The following CYP2C19 variants were observed in gnomAD, a reference collection of about 807,000 sequenced individuals.
The protein encoded by CYP2C19 is cytochrome P450 family 2 subfamily C member 19.
CYP2C19 carries 59 observed loss-of-function variants against 40.9 expected under a neutral mutation model. The ratio of observed to expected loss-of-function variants is 1.44; its 90% CI spans 1.17 to 1.79. The LOEUF is 1.79. Among genes scored for constraint, CYP2C19 ranks in the 40% most tolerant of loss-of-function variants. The pLI, the probability that CYP2C19 is intolerant of heterozygous loss-of-function variation, is 0.00. For missense variants in CYP2C19, 754 were observed against 596.9 expected (o/e 1.26, Z -2.74); for synonymous variants, 253 against 208.7 (o/e 1.21, Z -1.83).
chr10:94,826,219 A>T (rs1441250518), intron 6 of CYP2C19, among the ~76,000 whole-genome samples: 1 of 151,858 alleles, frequency 6.6e-6, no homozygotes, highest in African/African-American at 2.4e-5. Context: ...CTTGATGGGG[A>T]TGGCATTGAA....
rs1564684962 is a variant in CYP2C19, at chr10:94,846,692, TTTA to T, written c.1150-3219_1150-3217del. Among the ~76,000 whole-genome samples, 3 of 152,040 alleles carry T rather than the reference TTTA, an allele frequency of 2.0e-5. No homozygotes were observed. The East Asian group carries it at 5.8e-4, about 29-fold the overall frequency. The stretch of plus-strand genomic sequence containing the variant: ...AGAATCTATTTATTTATTTATTTAT[TTTA>T]TTATTTTTATACTTTAAGTTTTAGG... On this transcript the variant is annotated intron_variant, in intron 7 of 8. Transcript: ENST00000371321.
At chr10:94,800,338 C>T (rs963929013) in intron 5 of CYP2C19, among the ~76,000 whole-genome samples, 3 of 152,108 alleles carry the variant, frequency 2.0e-5, no homozygotes, top group Admixed American at 6.6e-5. Context: ...GCGGAGGCTG[C>T]AGAACAGCAA....
chr10:94,832,775 G>T (rs1226338431), intron 6 of CYP2C19, among the ~76,000 whole-genome samples: 4 of 151,938 alleles, frequency 2.6e-5, no homozygotes, highest in Non-Finnish European at 5.9e-5. Context: ...CAATTTTAAA[G>T]ATTTTTTTTC....
intron 5 of CYP2C19, among the ~76,000 whole-genome samples, chr10:94,819,773 G>A (rs1849081034): frequency 2.6e-5 from 3 of 115,722 alleles, no homozygotes; most frequent in East Asian, 2.6e-4. Context: ...AAAAGAGTCC[G>A]GGACCAGATG....
intron 3 of CYP2C19, among the ~76,000 whole-genome samples, chr10:94,778,364 T>C (rs1177309473): frequency 2.6e-5 from 4 of 152,156 alleles, no homozygotes; most frequent in Admixed American, 6.5e-5. Context: ...ATGCAGAGCC[T>C]TCCGACCTTT....
chr10:94,819,136 A>G (rs1302940239), intron 5 of CYP2C19, among the ~76,000 whole-genome samples: 2 of 150,530 alleles, frequency 1.3e-5, no homozygotes, highest in Non-Finnish European at 3.0e-5. Context: ...CTCCTGAATG[A>G]CTACTGGGTA....
At chr10:94,791,563 G>T (rs1250438685) in intron 5 of CYP2C19, among the ~76,000 whole-genome samples, 1 of 152,068 alleles carries the variant, frequency 6.6e-6, no homozygotes, top group South Asian at 2.1e-4. Context: ...CTGGTGTGTT[G>T]TGTCTTTGTT....
Position 94,855,362 on chromosome 10 carries a change from G to T in CYP2C19, c.*2448G>T, listed in dbSNP as rs773905994. Among the ~76,000 whole-genome samples, 8 of 152,176 alleles carry T rather than the reference G, an allele frequency of 5.3e-5. No homozygotes were observed. Among genetic ancestry groups the T allele is most frequent in the Non-Finnish European group, 1.2e-4 (8 of 68,038 alleles). On this transcript the variant is annotated 3_prime_UTR_variant, in exon 9 of 9. Transcript: ENST00000371321. ...TGTCAGAGCCAACAATTGGACAAGG[G>T]CAATCTGACTGGAAAGTAGAAGTTG...
chr10:94,767,180 T>C (rs1264598475), intron 1 of CYP2C19, among the ~76,000 whole-genome samples: 1 of 151,982 alleles, frequency 6.6e-6, no homozygotes, highest in Non-Finnish European at 1.5e-5. Flanking sequence ...GAGTAAAGAG[T>C]AGGCCATGGG....
At position 94,780,638 on chromosome 10, in the gene CYP2C19, T is replaced by C; in HGVS notation, c.621T>C (p.Ile207=). The part of the protein sequence containing the change: ...LMEKLNENIR[I]VSTPWIQICN... ...AAAAATTGAATGAAAACATCAGGAT[T>C]GTAAGCACCCCCTGGATCCAGGTAA... is the stretch of plus-strand genomic sequence containing the variant. The change falls in exon 4 of 9, where the codon ATT becomes ATC. Residue 207 remains isoleucine (I), a synonymous_variant. Coordinates refer to ENST00000371321, the MANE Select transcript of CYP2C19 (RefSeq NM_000769.4). 6.2e-7 allele frequency: 1 copy of C among 1,613,778 alleles called. No individual in the cohort carries two copies. Among genetic ancestry groups the C allele is most frequent in the Non-Finnish European group, 8.5e-7 (1 of 1,179,864 alleles).
intron 1 of CYP2C19, among the ~76,000 whole-genome samples, chr10:94,764,901 C>T (rs184006647): frequency 3.9e-4 from 60 of 152,212 alleles, no homozygotes; most frequent in Non-Finnish European, 6.9e-4. Context: ...GTTTGAAAAG[C>T]ATTGTCTGAT....
At chr10:94,816,829 T>C (rs1373744920) in intron 5 of CYP2C19, among the ~76,000 whole-genome samples, 2 of 149,428 alleles carry the variant, frequency 1.3e-5, no homozygotes, top group African/African-American at 4.9e-5. Flanking sequence ...ATATACGGTG[T>C]TTGGTTTTTT....
intron 5 of CYP2C19, among the ~76,000 whole-genome samples, chr10:94,820,221 G>T (rs868705171): frequency 6.6e-6 from 1 of 151,912 alleles, no homozygotes; most frequent in Non-Finnish European, 1.5e-5. Flanking sequence ...CAATAAATTA[G>T]GTATTGATGG....
At chr10:94,781,617 T>C (rs1448094853) in intron 4 of CYP2C19, among the ~76,000 whole-genome samples, 1 of 152,104 alleles carries the variant, frequency 6.6e-6, no homozygotes. Flanking sequence ...ATGATTATCA[T>C]CTTTGATTCT....
At chr10:94,798,138 A>G (rs1848713599) in intron 5 of CYP2C19, among the ~76,000 whole-genome samples, 1 of 152,088 alleles carries the variant, frequency 6.6e-6, no homozygotes, top group Non-Finnish European at 1.5e-5. Context: ...AGTGCTATAA[A>G]TTTCCGTCTA....
intron 1 of CYP2C19, among the ~76,000 whole-genome samples, chr10:94,765,132 A>G (rs2134229015): frequency 6.6e-6 from 1 of 152,248 alleles, no homozygotes; most frequent in East Asian, 1.9e-4. Context: ...ACTGTCTGAG[A>G]AATTCTTTGA....
chr10:94,852,249 A>G (rs1487325023), intron 8 of CYP2C19, among the ~76,000 whole-genome samples: 1 of 151,662 alleles, frequency 6.6e-6, no homozygotes, highest in Non-Finnish European at 1.5e-5. Flanking sequence ...GTGAGGGGGT[A>G]ACATGTTTAG....
intron 1 of CYP2C19, among the ~76,000 whole-genome samples, chr10:94,772,848 C>T (rs1341799639): frequency 1.3e-5 from 2 of 152,184 alleles, no homozygotes; most frequent in Admixed American, 6.5e-5. Flanking sequence ...GTGGCGCAAC[C>T]TTGGCTCGCT....
At chr10:94,834,189 C>T (rs1237846873) in intron 6 of CYP2C19, among the ~76,000 whole-genome samples, 1 of 152,050 alleles carries the variant, frequency 6.6e-6, no homozygotes, top group Non-Finnish European at 1.5e-5. Flanking sequence ...CTGGTCATTG[C>T]ATGTTCAGGT....
Sources: allele counts gnomAD v4.1 joint callset (sites outside exome capture counted in the v4.1 genomes callset), GRCh38; gene constraint gnomAD v4.1.1; transcripts MANE v1.5; gene names NCBI Gene and HGNC (gene_info 2026-07-23, HGNC 2026-07-21).